Variants in PLEKHG4B observed in about 807,000 individuals in gnomAD.
The protein encoded by PLEKHG4B is pleckstrin homology domain-containing family G member 4B.
Under a neutral mutation model 121.3 loss-of-function variants are expected in PLEKHG4B, and 111 were observed. The ratio of observed to expected loss-of-function variants is 0.92; its 90% CI spans 0.78 to 1.07. The LOEUF (loss-of-function observed/expected upper bound fraction) is 1.07. PLEKHG4B is among the 50% of genes least tolerant of loss of function. The probability of loss-of-function intolerance (pLI) is 0.00; values close to 1 mark genes in which losing one functional copy is unlikely to be tolerated. For missense variants in PLEKHG4B, 1,831 were observed against 1,757.8 expected (o/e 1.04, Z -0.74); for synonymous variants, 738 against 725.0 (o/e 1.02, Z -0.29).
chr5:176,507 G>C (rs187580169), intron 18 of PLEKHG4B, among the ~76,000 whole-genome samples: 1 of 152,242 alleles, frequency 6.6e-6, no homozygotes, highest in African/African-American at 2.4e-5. Context: ...GTCCGTGCTC[G>C]CAAGTGGGGA....
Position 135,973 on chromosome 5 carries a change from C to G in PLEKHG4B, c.244-3510C>G, listed in dbSNP as rs78022519. Among the ~76,000 whole-genome samples, 651 of 151,820 alleles carry G rather than the reference C, an allele frequency of 4.3e-3. 18 individuals carry two copies. The East Asian group carries it at 0.069, about 16-fold the overall frequency. Reference sequence around the variant, plus strand: ...TGTGACACTGGCATAAAAACAGACACACAGACCAGTGGAGTGGAATAGAGA... The same window carrying G: ...TGTGACACTGGCATAAAAACAGACAGACAGACCAGTGGAGTGGAATAGAGA... On this transcript the variant is annotated intron_variant, in intron 2 of 19. Coordinates refer to ENST00000637938, the MANE Select transcript of PLEKHG4B (RefSeq NM_052909.5).
chr5:156,295 G>C lies in PLEKHG4B; in HGVS notation c.2348+85G>C. The C allele has an allele frequency of 7.9e-7, 1 of 1,260,800 alleles. No individual in the cohort carries two copies. 78.1% of individuals were successfully genotyped at this position (1,260,800 alleles called of 1,614,324 possible). ...TTTGCACCAGGAGGCGTAGCGCTCT[G>C]CTCCAAGGAGAGCCCCCTCTGTGCT... On this transcript the variant is annotated intron_variant, in intron 10 of 19. Transcript: ENST00000637938. The surrounding 1 kb of genome is among the most constrained non-coding windows in gnomAD (Gnocchi z 4.4).
At chr5:155,200 G>A (rs752247561) in intron 8 of PLEKHG4B, 145 bp from the exon 9 acceptor site, 10 of 849,802 alleles carry the variant, frequency 1.2e-5, no homozygotes, top group Non-Finnish European at 1.7e-5. Context: ...CGCCCCGGAA[G>A]TGTCTGTAGA....
At chr5:124,031 C>T (rs143063178) in intron 2 of PLEKHG4B, among the ~76,000 whole-genome samples, 366 of 152,198 alleles carry the variant, frequency 2.4e-3, no homozygotes, top group African/African-American at 7.6e-3. Context: ...TGCTGCCTCC[C>T]GTAAGTTGTA....
intron 1 of PLEKHG4B, among the ~76,000 whole-genome samples, chr5:105,440 T>C (rs1733949490): frequency 6.6e-6 from 1 of 152,236 alleles, no homozygotes; most frequent in South Asian, 2.1e-4. Flanking sequence ...TTACGTGGAA[T>C]CTGCTGTCAG....
rs1385232355 is a variant in PLEKHG4B at position 159,189 on chromosome 5, T to C, written c.2487+2278T>C. 2.0e-5 allele frequency among the ~76,000 whole-genome samples: 3 copies of C among 151,492 alleles called. No homozygotes were observed. The highest frequency in any genetic ancestry group is 7.3e-5 in the African/African-American group (3 of 41,112). On this transcript the variant is annotated intron_variant, in intron 11 of 19. Coordinates refer to ENST00000637938, the MANE Select transcript of PLEKHG4B (RefSeq NM_052909.5). The surrounding 1 kb of genome is among the most constrained non-coding windows in gnomAD (Gnocchi z 5.5). Reference sequence around the variant, plus strand: ...GTCACCCAGGTGCACTGAGAGCAGGTGTGCCTGAGGGTGGCCCAGGTGTGC... The same window carrying C: ...GTCACCCAGGTGCACTGAGAGCAGGCGTGCCTGAGGGTGGCCCAGGTGTGC...
At chr5:115,327 C>T (rs567809114) in intron 2 of PLEKHG4B, among the ~76,000 whole-genome samples, 41 of 152,260 alleles carry the variant, frequency 2.7e-4, no homozygotes, top group African/African-American at 8.9e-4. Flanking sequence ...TGTAAACAGA[C>T]GTGCTGTCAT....
chr5:169,994 C>T (rs1317689147), intron 14 of PLEKHG4B, among the ~76,000 whole-genome samples: 1 of 152,226 alleles, frequency 6.6e-6, no homozygotes, highest in African/African-American at 2.4e-5. Context: ...GCCCCATTAC[C>T]TGCCAGAGGG....
intron 2 of PLEKHG4B, among the ~76,000 whole-genome samples, chr5:120,523 TCTGAGGCTGGG>T (rs1200595753): frequency 1.3e-5 from 2 of 152,180 alleles, no homozygotes; most frequent in Admixed American, 1.3e-4. Flanking sequence ...GCCAGTGAAG[TCTGAGGCTGGG>T]CTGAAAGGTG....
intron 1 of PLEKHG4B, among the ~76,000 whole-genome samples, chr5:111,901 A>C (rs188270442): frequency 2.0e-3 from 301 of 150,158 alleles, no homozygotes; most frequent in South Asian, 4.4e-3. Flanking sequence ...ACTCATTCTC[A>C]TGGACTGTGT....
chr5:145,011 C>T, intron 6 of PLEKHG4B, 91 bp downstream of exon 6: 1 of 1,195,464 alleles, frequency 8.4e-7, no homozygotes, highest in African/African-American at 1.5e-5. Context: ...CTGGAGTAGC[C>T]AGTCCACAGG....
intron 18 of PLEKHG4B, among the ~76,000 whole-genome samples, chr5:175,502 T>C (rs1236615578): frequency 6.6e-6 from 1 of 151,978 alleles, no homozygotes; most frequent in Non-Finnish European, 1.5e-5. Flanking sequence ...GCTGTCCCTC[T>C]CTACCCTACA....
intron 2 of PLEKHG4B, among the ~76,000 whole-genome samples, chr5:133,538 A>G (rs1038129766): frequency 2.0e-5 from 3 of 152,204 alleles, no homozygotes; most frequent in Admixed American, 6.5e-5. Flanking sequence ...AAAATGTTCA[A>G]CATCACTAAT....
At chr5:129,927 C>T (rs1227302696) in intron 2 of PLEKHG4B, among the ~76,000 whole-genome samples, 2 of 152,036 alleles carry the variant, frequency 1.3e-5, no homozygotes, top group African/African-American at 4.8e-5. Context: ...GCAGTAAAAT[C>T]AGTGGGCAAG....
rs1456907468 is a variant in PLEKHG4B, at chr5:163,370, C to T, written c.3298C>T (p.Gln1100Ter). Residue 1100 changes from glutamine (Q) to a stop codon, truncating the protein, a stop_gained, in exon 13 of 20, where the codon CAG (glutamine) becomes TAG (stop). Coordinates refer to ENST00000637938, the MANE Select transcript of PLEKHG4B (RefSeq NM_052909.5). LOFTEE classifies it high-confidence loss of function. The part of the protein sequence containing the change: ...QPDSGPRDSC[Q>*]PDHTSVFSKG... ...CGACAGTGGCCCCAGGGACTCCTGC[C>T]AGCCAGACCATACTAGTGTCTTCAG... 3 of 1,613,130 alleles carry T rather than the reference C, an allele frequency of 1.9e-6. No individual in the cohort carries two copies. Among genetic ancestry groups the T allele is most frequent in the Admixed American group, 1.7e-5 (1 of 60,012 alleles).
chr5:121,244 C>G lies in PLEKHG4B; in HGVS notation c.243+7796C>G, dbSNP rs140751531. 3.1e-3 allele frequency among the ~76,000 whole-genome samples: 455 copies of G among 146,050 alleles called. 2 individuals are homozygous for G. The highest frequency in any genetic ancestry group is 0.01 in the Middle Eastern group (3 of 288). On this transcript the variant is annotated intron_variant, in intron 2 of 19. Coordinates refer to ENST00000637938, the MANE Select transcript of PLEKHG4B (RefSeq NM_052909.5). ...CCTGGGTGACAGAGTGAGACTCCGT[C>G]TAAAAAAAAAAAGAAAAAGAAAATG...
At chr5:181,159 C>T (rs569271629) in intron 18 of PLEKHG4B, among the ~76,000 whole-genome samples, 150 of 152,334 alleles carry the variant, frequency 9.8e-4, no homozygotes, top group African/African-American at 3.4e-3. Flanking sequence ...CCCATGGACA[C>T]GGCTCCCAGG....
At chr5:117,425 C>T (rs531520121) in intron 2 of PLEKHG4B, among the ~76,000 whole-genome samples, 16 of 152,264 alleles carry the variant, frequency 1.1e-4, no homozygotes, top group Middle Eastern at 3.4e-3. Flanking sequence ...TGAGTGATTA[C>T]TGTTGCCTGT....
Position 125,576 on chromosome 5 carries a change from ATAATC to A in PLEKHG4B, c.243+12133_243+12137del, listed in dbSNP as rs1286622177. Among the ~76,000 whole-genome samples the A allele has an allele frequency of 2.6e-5, 4 of 152,318 alleles. No individual in the cohort carries two copies. The South Asian group carries it at 6.2e-4, about 24-fold the overall frequency. On this transcript the variant is annotated intron_variant, in intron 2 of 19. Coordinates refer to ENST00000637938, the MANE Select transcript of PLEKHG4B (RefSeq NM_052909.5). ...TTACTAGTAGTATGAAGTATTAAAC[ATAATC>A]TAATAATTCTTATAAATATATTAGT...
Sources: gnomAD v4.1 joint callset for allele counts (sites outside exome capture counted in the v4.1 genomes callset) on GRCh38, gnomAD v4.1.1 for gene constraint, Gnocchi (gnomAD v3.1) non-coding constraint, MANE v1.5 for transcripts, NCBI Gene and HGNC (gene_info 2026-07-23, HGNC 2026-07-21) for gene names.